The following DIAPH2 variants were observed in gnomAD, a reference collection of about 807,000 sequenced individuals.
The protein encoded by DIAPH2 is protein diaphanous homolog 2.
In DIAPH2, 35 loss-of-function variants were observed where a neutral mutation model predicts 92.7. That is an observed-to-expected ratio of 0.38 (90% confidence interval 0.29 to 0.50). The LOEUF (loss-of-function observed/expected upper bound fraction) is 0.50, where lower values mean the gene tolerates loss of function less well. Ranked by LOEUF, DIAPH2 falls within the 20% of genes least tolerant of loss-of-function variation. The pLI is 0.94. For missense variants in DIAPH2, 701 were observed against 819.5 expected, an observed-to-expected ratio of 0.86 and a Z score of 1.77; for synonymous variants, 301 against 280.4, an observed-to-expected ratio of 1.07 and a Z score of -0.73.
intron 23 of DIAPH2, among the ~76,000 whole-genome samples, chrX:97,294,575 CAG>C (rs2068627702): frequency 9.0e-6 from 1 of 111,247 alleles, no homozygotes; most frequent in South Asian, 3.8e-4. Context: ...TTATTTCACA[CAG>C]ATGATTATAG....
intron 4 of DIAPH2, among the ~76,000 whole-genome samples, chrX:96,869,943 A>G (rs1187846583): frequency 9.1e-6 from 1 of 110,493 alleles, no homozygotes; most frequent in Non-Finnish European, 1.9e-5. Context: ...TCATACAGCT[A>G]TTAAGGTAAG....
intron 15 of DIAPH2, among the ~76,000 whole-genome samples, chrX:96,954,431 T>C (rs2065796716): frequency 8.9e-6 from 1 of 112,368 alleles, no homozygotes; most frequent in Non-Finnish European, 1.9e-5. Context: ...CAGTGTTCCC[T>C]TTCATCTGTT....
At chrX:96,930,419 T>A (rs949666592) in intron 9 of DIAPH2, among the ~76,000 whole-genome samples, 9 of 111,242 alleles carry the variant, frequency 8.1e-5, no homozygotes, top group African/African-American at 2.9e-4. Context: ...CATTTTGTGA[T>A]CTTTTCAAAG....
chrX:96,707,914 A>G (rs2063895725), intron 1 of DIAPH2, among the ~76,000 whole-genome samples: 1 of 111,420 alleles, frequency 9.0e-6, no homozygotes, highest in Non-Finnish European at 1.9e-5. Context: ...TTATATCTCC[A>G]AGAAAATGTT....
chrX:97,460,721 T>G (rs1279025433), intron 26 of DIAPH2, among the ~76,000 whole-genome samples: 1 of 111,513 alleles, frequency 9.0e-6, no homozygotes. Context: ...TTGTCAATGC[T>G]TGATCATGGC....
intron 17 of DIAPH2, among the ~76,000 whole-genome samples, chrX:97,070,442 A>G (rs1276145127): frequency 8.9e-6 from 1 of 112,147 alleles, no homozygotes; most frequent in East Asian, 2.8e-4. Context: ...TGAGGTCACT[A>G]TGAAAGCAGG....
At chrX:97,073,942 A>C (rs771594979) in intron 18 of DIAPH2, among the ~76,000 whole-genome samples, 4 of 111,861 alleles carry the variant, frequency 3.6e-5, no homozygotes, top group African/African-American at 1.3e-4. Context: ...TAGGATCTCA[A>C]TTGCTGGTTG....
intron 23 of DIAPH2, among the ~76,000 whole-genome samples, chrX:97,268,968 T>G (rs1360225775): frequency 9.4e-6 from 1 of 106,748 alleles, no homozygotes; most frequent in Admixed American, 1.0e-4. Context: ...GCGATTCTCC[T>G]GCCCCAGCCT....
At chrX:97,317,075 T>C (rs968367237) in intron 23 of DIAPH2, among the ~76,000 whole-genome samples, 1 of 112,494 alleles carries the variant, frequency 8.9e-6, no homozygotes, top group African/African-American at 3.2e-5. Flanking sequence ...AGTAAGAATG[T>C]CTTTATGTTG....
intron 4 of DIAPH2, among the ~76,000 whole-genome samples, chrX:96,838,150 C>T (rs1228541524): frequency 3.6e-5 from 4 of 111,493 alleles, no homozygotes; most frequent in Non-Finnish European, 5.7e-5. Flanking sequence ...AAATTTTCTC[C>T]CTTAAATTTG....
At chrX:97,426,318 C>A (rs1180815028) in intron 25 of DIAPH2, among the ~76,000 whole-genome samples, 2 of 106,548 alleles carry the variant, frequency 1.9e-5, no homozygotes, top group East Asian at 5.9e-4. Context: ...GGAGTCTCGC[C>A]CTGTCACCCA....
At chrX:97,571,745 T>C (rs933228400) in intron 26 of DIAPH2, among the ~76,000 whole-genome samples, 3 of 111,732 alleles carry the variant, frequency 2.7e-5, no homozygotes, top group Non-Finnish European at 5.7e-5. Flanking sequence ...ACTTCTGTTA[T>C]TTAAACTGCC....
intron 17 of DIAPH2, among the ~76,000 whole-genome samples, chrX:97,034,806 C>G (rs894855363): frequency 1.6e-4 from 18 of 110,976 alleles, no homozygotes; most frequent in Non-Finnish European, 3.0e-4. Flanking sequence ...CTAGGAAAGT[C>G]TCTGTGTAAC....
intron 4 of DIAPH2, among the ~76,000 whole-genome samples, chrX:96,817,362 A>T (rs1189990650): frequency 9.0e-6 from 1 of 111,074 alleles, no homozygotes; most frequent in Non-Finnish European, 1.9e-5. Flanking sequence ...CCTACTATGT[A>T]CCCACAGAAA....
intron 10 of DIAPH2, among the ~76,000 whole-genome samples, chrX:96,934,764 T>G (rs2065646045): frequency 2.7e-5 from 3 of 111,858 alleles, no homozygotes; most frequent in African/African-American, 9.7e-5. Context: ...AAATAGGATT[T>G]TTTTCTGTAC....
At chrX:97,140,561 T>G (rs1008497019) in intron 21 of DIAPH2, among the ~76,000 whole-genome samples, 16 of 112,138 alleles carry the variant, frequency 1.4e-4, no homozygotes, top group African/African-American at 5.2e-4. Context: ...CCTGTGGCTG[T>G]TTGGTTGTTT....
chrX:97,061,841 A>G (rs943969232), intron 17 of DIAPH2, among the ~76,000 whole-genome samples: 2 of 101,595 alleles, frequency 2.0e-5, no homozygotes, highest in Non-Finnish European at 4.0e-5. Flanking sequence ...AAAAACGCTC[A>G]TTTTTAACTG....
chrX:97,428,874 T>G (rs1028620328), intron 25 of DIAPH2, among the ~76,000 whole-genome samples: 9 of 111,862 alleles, frequency 8.0e-5, no homozygotes, highest in African/African-American at 2.6e-4. Flanking sequence ...CTTTAAAGTG[T>G]TTTTCATGGC....
chrX:97,443,298 G>T (rs1327305062), intron 26 of DIAPH2, among the ~76,000 whole-genome samples: 1 of 111,643 alleles, frequency 9.0e-6, no homozygotes, highest in Non-Finnish European at 1.9e-5. Flanking sequence ...CACCTATTCC[G>T]GGAAGCCTTT....
Sources: gnomAD v4.1 joint callset for allele counts (sites outside exome capture counted in the v4.1 genomes callset) on GRCh38, gnomAD v4.1.1 for gene constraint, MANE v1.5 for transcripts, NCBI Gene and HGNC (gene_info 2026-07-23, HGNC 2026-07-21) for gene names.